The following KHDRBS2 variants were observed in gnomAD, a reference collection of about 807,000 sequenced individuals.
KHDRBS2 encodes KH RNA binding domain containing, signal transduction associated 2, also known as KH domain-containing, RNA-binding, signal transduction-associated protein 2.
In KHDRBS2, 26 loss-of-function variants were observed where a neutral mutation model predicts 44.3. The observed-to-expected ratio is 0.59, with a 90% CI of 0.43 to 0.81. KHDRBS2 has a LOEUF of 0.81. KHDRBS2 is among the 40% of genes least tolerant of loss of function. The pLI, the probability that KHDRBS2 is intolerant of heterozygous loss-of-function variation, is 0.00. For synonymous variants in KHDRBS2, 194 were observed against 151.1 expected (o/e 1.28, Z -2.08); for missense variants, 476 against 433.1 (o/e 1.10, Z -0.88).
intron 6 of KHDRBS2, among the ~76,000 whole-genome samples, chr6:61,888,088 G>A (rs1296591604): frequency 1.3e-5 from 2 of 152,026 alleles, no homozygotes; most frequent in Admixed American, 6.5e-5. Flanking sequence ...TCCTAGATAC[G>A]TTTTGGGATG....
chr6:61,798,466 T>C (rs75423016), intron 6 of KHDRBS2, among the ~76,000 whole-genome samples: 1 of 152,204 alleles, frequency 6.6e-6, no homozygotes, highest in East Asian at 1.9e-4. Flanking sequence ...TTAGTCACGG[T>C]CAGTTTGGTT....
At chr6:62,228,724 A>C (rs1297297250) in intron 1 of KHDRBS2, among the ~76,000 whole-genome samples, 1 of 151,970 alleles carries the variant, frequency 6.6e-6, no homozygotes, top group Non-Finnish European at 1.5e-5. Flanking sequence ...CTAATCTGGT[A>C]TGTTGTCTCT....
chr6:61,976,889 AAT>A (rs1772788472), intron 4 of KHDRBS2, among the ~76,000 whole-genome samples: 1 of 152,178 alleles, frequency 6.6e-6, no homozygotes, highest in Admixed American at 6.6e-5. Flanking sequence ...ATTCTTAATA[AAT>A]ATGAGATCTA....
intron 4 of KHDRBS2, among the ~76,000 whole-genome samples, chr6:61,971,217 G>C (rs914871727): frequency 1.3e-5 from 2 of 152,082 alleles, no homozygotes; most frequent in African/African-American, 4.8e-5. Flanking sequence ...TGGAGTGAAT[G>C]AGAAGGGAAC....
At chr6:62,201,775 T>C (rs1367633497) in intron 1 of KHDRBS2, among the ~76,000 whole-genome samples, 1 of 152,088 alleles carries the variant, frequency 6.6e-6, no homozygotes, top group Non-Finnish European at 1.5e-5. Context: ...TTATTAAAAA[T>C]AGATAATATT....
At chr6:61,710,296 C>G (rs566351487) in intron 7 of KHDRBS2, among the ~76,000 whole-genome samples, 1 of 151,690 alleles carries the variant, frequency 6.6e-6, no homozygotes, top group Non-Finnish European at 1.5e-5. Context: ...CTGCTTACTA[C>G]AAAACATTAG....
chr6:61,721,391 T>C (rs957440627), intron 7 of KHDRBS2, among the ~76,000 whole-genome samples: 4 of 151,900 alleles, frequency 2.6e-5, no homozygotes, highest in Admixed American at 1.3e-4. Context: ...TTTCACGATA[T>C]TGATTCTTCC....
chr6:61,756,405 T>C (rs937972946), intron 6 of KHDRBS2, among the ~76,000 whole-genome samples: 1 of 151,932 alleles, frequency 6.6e-6, no homozygotes, highest in Non-Finnish European at 1.5e-5. Flanking sequence ...GGTTTCAGGC[T>C]CCTGCCACTA....
rs182701176 is a variant in KHDRBS2, at chr6:61,744,861, A to T, written c.811-12097T>A. Among the ~76,000 whole-genome samples, 62 of 152,300 alleles carry T rather than the reference A, an allele frequency of 4.1e-4. 1 individual carries two copies. The highest frequency in any genetic ancestry group is 1.4e-3 in the African/African-American group (59 of 41,576). On this transcript the variant is annotated intron_variant, in intron 6 of 8. Coordinates refer to ENST00000281156, the MANE Select transcript of KHDRBS2 (RefSeq NM_152688.4). Reference sequence around the variant, plus strand: ...CATTGTGAGATACTATCTCCTAACAAACATGGCTATTTTAGTAAGACTACC... The same window carrying T: ...CATTGTGAGATACTATCTCCTAACATACATGGCTATTTTAGTAAGACTACC...
the KHDRBS2 span, among the ~76,000 whole-genome samples, chr6:61,578,000 C>A: frequency 3.7e-4 from 57 of 152,050 alleles, no homozygotes; most frequent in African/African-American, 1.2e-3. Flanking sequence ...AGTCTCTCTT[C>A]ATTAATAAAA....
At chr6:61,789,537 T>C (rs970694319) in intron 6 of KHDRBS2, among the ~76,000 whole-genome samples, 3 of 151,496 alleles carry the variant, frequency 2.0e-5, no homozygotes, top group Non-Finnish European at 4.4e-5. Context: ...GGAAGACCTA[T>C]GTATAGAGAC....
chr6:62,236,738 C>A (rs970629199), intron 1 of KHDRBS2, among the ~76,000 whole-genome samples: 2 of 151,740 alleles, frequency 1.3e-5, no homozygotes, highest in Admixed American at 1.3e-4. Flanking sequence ...TTGAAAGTTG[C>A]CACAGAAAGA....
In KHDRBS2 at chr6:61,901,305, A is replaced by C. The variant is rs1342956710; in HGVS notation, c.550T>G (p.Ser184Ala). ...ELSYLNGSEDSGRGRGIRGRG... is the reference protein window; with the variant it reads ...ELSYLNGSEDAGRGRGIRGRG... ...CCTCTAATACCTCTGCCACGACCAG[A>C]GTCCTCTGAGCCATTTAAGTAAGAT... The change falls in exon 5 of 9, where the codon TCT becomes GCT. Residue 184 changes from serine to alanine, a missense_variant. Coordinates refer to ENST00000281156, the MANE Select transcript of KHDRBS2 (RefSeq NM_152688.4). The C allele has an allele frequency of 6.2e-7, 1 of 1,613,356 alleles. No homozygotes were observed. The highest frequency in any genetic ancestry group is 8.5e-7 in the Non-Finnish European group (1 of 1,179,344).
intron 6 of KHDRBS2, among the ~76,000 whole-genome samples, chr6:61,736,212 T>TCACACACACACACACACACACA (rs376298733): frequency 2.2e-5 from 3 of 135,562 alleles, no homozygotes; most frequent in African/African-American, 8.3e-5. Flanking sequence ...TTACTTTACT[T>TCACACACACACACACACACACA]CACACACACA....
At chr6:62,047,162 C>A (rs934247063) in intron 3 of KHDRBS2, among the ~76,000 whole-genome samples, 1 of 151,864 alleles carries the variant, frequency 6.6e-6, no homozygotes, top group African/African-American at 2.4e-5. Context: ...AATGATACTA[C>A]GAAATACATC....
At chr6:61,918,241 C>A (rs1370661907) in intron 4 of KHDRBS2, among the ~76,000 whole-genome samples, 3 of 151,860 alleles carry the variant, frequency 2.0e-5, no homozygotes, top group Non-Finnish European at 4.4e-5. Context: ...CCAGCTGAGA[C>A]CTATTCAAAA....
chr6:61,842,367 C>T (rs1793718040), intron 6 of KHDRBS2, among the ~76,000 whole-genome samples: 1 of 152,160 alleles, frequency 6.6e-6, no homozygotes, highest in Non-Finnish European at 1.5e-5. Flanking sequence ...CAATGAGACA[C>T]AAACATACAT....
chr6:62,166,991 A>T (rs1585030208), intron 2 of KHDRBS2, among the ~76,000 whole-genome samples: 1 of 152,078 alleles, frequency 6.6e-6, no homozygotes, highest in African/African-American at 2.4e-5. Context: ...TTTGGCTGTC[A>T]TGGGGCCCTA....
the KHDRBS2 span, among the ~76,000 whole-genome samples, chr6:61,671,478 G>A: frequency 6.6e-6 from 1 of 151,774 alleles, no homozygotes; most frequent in Non-Finnish European, 1.5e-5. Context: ...ATAATAAAGT[G>A]TAAGAGACTG....
Sources: gnomAD v4.1 joint callset for allele counts (sites outside exome capture counted in the v4.1 genomes callset) on GRCh38, gnomAD v4.1.1 for gene constraint, MANE v1.5 for transcripts, NCBI Gene and HGNC (gene_info 2026-07-23, HGNC 2026-07-21) for gene names.